PKHD1L1: variants seen among roughly 807,000 people sequenced by gnomAD.
PKHD1L1 encodes PKHD1 like 1, also known as fibrocystin-L.
PKHD1L1 carries 434 observed loss-of-function variants against 462.9 expected under a neutral mutation model. The ratio of observed to expected loss-of-function variants is 0.94; its 90% CI spans 0.87 to 1.02. The LOEUF (loss-of-function observed/expected upper bound fraction) is 1.02, where lower values mean the gene tolerates loss of function less well. PKHD1L1 is among the 50% of genes least tolerant of loss of function. PKHD1L1 has a pLI of 0.00. For synonymous variants in PKHD1L1, 1,781 were observed against 1,750.0 expected (o/e 1.02, Z -0.44); for missense variants, 5,202 against 5,096.1 (o/e 1.02, Z -0.63).
chr8:109,486,610 T>C, intron 58 of PKHD1L1, 38 bp from the exon 59 acceptor site: 1 of 1,588,252 alleles, frequency 6.3e-7, no homozygotes, highest in Non-Finnish European at 8.6e-7. Context: ...CAGATACTTC[T>C]CAGCATTGGC....
In PKHD1L1 at chr8:109,464,207, G is replaced by A. The variant is rs767842082; in HGVS notation, c.7384-9G>A. On this transcript the variant is annotated splice_polypyrimidine_tract_variant and intron_variant, in intron 48 of 77. Coordinates refer to ENST00000378402, the MANE Select transcript of PKHD1L1 (RefSeq NM_177531.6). Reference sequence around the variant, plus strand: ...ATTACTAAATAACTGTGATTTCTGGGCTTAACAGGTATTCCATGCTGGCCA... The same window carrying A: ...ATTACTAAATAACTGTGATTTCTGGACTTAACAGGTATTCCATGCTGGCCA... 1 of 1,566,896 alleles carries A rather than the reference G, an allele frequency of 6.4e-7. No homozygotes were observed. The highest frequency in any genetic ancestry group is 8.7e-7 in the Non-Finnish European group (1 of 1,151,452).
intron 23 of PKHD1L1, among the ~76,000 whole-genome samples, chr8:109,423,416 C>A (rs536730418): frequency 1.3e-5 from 2 of 152,052 alleles, no homozygotes; most frequent in East Asian, 1.9e-4. Flanking sequence ...TACATTGGAA[C>A]CTTTGTCAAA....
At position 109,537,134 on chromosome 8, in the gene PKHD1L1, A is replaced by C. The variant is rs1439716358; in HGVS notation, c.*7044A>C. ...CAAAGCTTTGTTTTACTTGATCAAGAAATGAATGTGACTTTATGATCTTGT... is the reference window on the plus strand; with the variant it reads ...CAAAGCTTTGTTTTACTTGATCAAGCAATGAATGTGACTTTATGATCTTGT... On this transcript the variant is annotated 3_prime_UTR_variant, in exon 78 of 78. Transcript: ENST00000378402. Among the ~76,000 whole-genome samples the C allele has an allele frequency of 1.3e-5, 2 of 152,250 alleles. No homozygotes were observed. The highest frequency in any genetic ancestry group is 2.9e-5 in the Non-Finnish European group (2 of 68,042).
intron 9 of PKHD1L1, among the ~76,000 whole-genome samples, chr8:109,390,697 C>T (rs1006779824): frequency 3.3e-5 from 5 of 152,018 alleles, no homozygotes; most frequent in Admixed American, 2.0e-4. Flanking sequence ...GGAAATCTAG[C>T]ATTAACTAAA....
At chr8:109,396,785 G>A (rs917650989) in intron 11 of PKHD1L1, among the ~76,000 whole-genome samples, 1 of 152,160 alleles carries the variant, frequency 6.6e-6, no homozygotes, top group Non-Finnish European at 1.5e-5. Flanking sequence ...ATGACATCAC[G>A]TCTATTGCTA....
At chr8:109,388,725 G>T (rs1449628703) in intron 7 of PKHD1L1, among the ~76,000 whole-genome samples, 175 bp downstream of exon 7, 1 of 152,074 alleles carries the variant, frequency 6.6e-6, no homozygotes, top group Non-Finnish European at 1.5e-5. Flanking sequence ...CTACCTTACA[G>T]TTAGGTCTCC....
rs1821054878 is a variant in PKHD1L1, at chr8:109,532,138, G to A, written c.*2048G>A. Among the ~76,000 whole-genome samples the A allele has an allele frequency of 6.6e-6, 1 of 152,158 alleles. No individual in the cohort carries two copies. Among genetic ancestry groups the A allele is most frequent in the South Asian group, 2.1e-4 (1 of 4,834 alleles). On this transcript the variant is annotated 3_prime_UTR_variant, in exon 78 of 78. Transcript: ENST00000378402. ...ACCTAAAGGTTTAATTCAGCCCACT[G>A]GAGTTTTTTGTCAAGATTTTTTCTG...
At chr8:109,497,377 T>C in intron 65 of PKHD1L1, 105 bp downstream of exon 65, 2 of 1,290,740 alleles carry the variant, frequency 1.5e-6, no homozygotes, top group African/African-American at 1.5e-5. Flanking sequence ...TATCTCTGTC[T>C]CGCCCACACC....
At position 109,522,890 on chromosome 8, in the gene PKHD1L1, C is replaced by T. The variant is rs776226885; in HGVS notation, c.12330C>T (p.Asp4110=). The T allele has an allele frequency of 1.0e-5, 16 of 1,595,482 alleles. No homozygotes were observed. Among genetic ancestry groups the T allele is most frequent in the African/African-American group, 5.4e-5 (4 of 74,258 alleles). ...QQPSVKATDS[D]GNCVSVGITA... ...CTTCGGTAAAGGCAACAGATTCTGACGTAAGTCATAACTCAAAATTTTACT... is the reference window on the plus strand; with the variant it reads ...CTTCGGTAAAGGCAACAGATTCTGATGTAAGTCATAACTCAAAATTTTACT... Residue 4110 remains aspartate, a splice_region_variant and synonymous_variant, in exon 75 of 78, where the codon GAC becomes GAT. Coordinates refer to ENST00000378402, the MANE Select transcript of PKHD1L1 (RefSeq NM_177531.6).
chr8:109,448,528 T>C (rs1253681383), intron 39 of PKHD1L1, 137 bp downstream of exon 39: 1 of 1,115,110 alleles, frequency 9.0e-7, no homozygotes, highest in Non-Finnish European at 1.2e-6. Context: ...TTTTTTTTTT[T>C]TGAGACAGAG....
Position 109,404,655 on chromosome 8 carries a change from A to T in PKHD1L1, c.1475A>T (p.Asp492Val). ...GTTTATACTGAACAACAAACAGGAG[A>T]TGCAGTGAATGAAGAACAAGTTATC... ...RNVYTEQQTG[D>V]AVNEEQVIKS... Residue 492 changes from aspartate to valine, a missense_variant, in exon 15 of 78, where the codon GAT becomes GTT. Physicochemically the swap from Asp to Val is radical, Grantham distance 152. This residue lies in a region of PKHD1L1 where 4,497 missense variants were observed against 4,336.8 expected (regional missense o/e 1.04). Coordinates refer to ENST00000378402, the MANE Select transcript of PKHD1L1 (RefSeq NM_177531.6). 1 of 1,608,782 alleles carries T rather than the reference A, an allele frequency of 6.2e-7. No individual in the cohort carries two copies. The highest frequency in any genetic ancestry group is 8.5e-7 in the Non-Finnish European group (1 of 1,177,250).
intron 25 of PKHD1L1, 64 bp from the exon 26 acceptor site, chr8:109,429,276 T>G (rs1814948198): frequency 7.5e-7 from 1 of 1,332,554 alleles, no homozygotes; most frequent in African/African-American, 1.5e-5. Context: ...AAATTTAAAA[T>G]GAAAAACTAG....
chr8:109,420,568 G>A lies in PKHD1L1; in HGVS notation c.2575G>A (p.Glu859Lys), dbSNP rs763643479. 4 of 1,608,838 alleles carry A rather than the reference G, an allele frequency of 2.5e-6. No homozygotes were observed. The East Asian group carries it at 9.0e-5, about 36-fold the overall frequency. ...PALANKGIFL[E>K]HFQVNQTKTN... The stretch of plus-strand genomic sequence containing the variant: ...ATTAGCAAATAAAGGAATATTCTTA[G>A]AGCACTTTCAGGTGAATCAGACCAA... The change falls in exon 23 of 78, where the codon GAG (glutamate) becomes AAG (lysine). Residue 859 changes from glutamate (E) to lysine (K), a missense_variant. Transcript: ENST00000378402.
In PKHD1L1 at chr8:109,436,408, C is replaced by T. The variant is rs370640253; in HGVS notation, c.3576C>T (p.Thr1192=). 5.6e-6 allele frequency: 9 copies of T among 1,613,176 alleles called. No individual in the cohort carries two copies. The highest frequency in any genetic ancestry group is 1.3e-5 in the African/African-American group (1 of 74,838). The change falls in exon 30 of 78, where the codon ACC becomes ACT. Residue 1192 remains threonine, a synonymous_variant. Transcript: ENST00000378402. Reference sequence around the variant, plus strand: ...CAAAGGTATTAGTTGGAAATGAAACCTGCAATGTGATTGAAGGGGATTTGA... The same window carrying T: ...CAAAGGTATTAGTTGGAAATGAAACTTGCAATGTGATTGAAGGGGATTTGA... ...ENSKVLVGNE[T]CNVIEGDLNR...
chr8:109,508,255 C>T lies in PKHD1L1; in HGVS notation c.11386C>T (p.Leu3796Phe), dbSNP rs765732380. 2.5e-6 allele frequency: 4 copies of T among 1,604,902 alleles called. No homozygotes were observed. The South Asian group carries it at 3.4e-5, about 14-fold the overall frequency. Residue 3796 changes from leucine (L) to phenylalanine (F), a missense_variant, in exon 70 of 78, where the codon CTT becomes TTT. Leu to Phe is a conservative substitution (Grantham distance 22). Coordinates refer to ENST00000378402, the MANE Select transcript of PKHD1L1 (RefSeq NM_177531.6). ...VAIMGNGYVDLINGPQDHGWC... is the reference protein window; with the variant it reads ...VAIMGNGYVDFINGPQDHGWC... ...TATAATGGGCAACGGTTATGTTGAT[C>T]TTATTAATGGTAGGTATTCAATATG... is the stretch of plus-strand genomic sequence containing the variant.
chr8:109,396,122 A>G lies in PKHD1L1; in HGVS notation c.907A>G (p.Arg303Gly). 1 of 1,607,362 alleles carries G rather than the reference A, an allele frequency of 6.2e-7. No individual in the cohort carries two copies. The highest frequency in any genetic ancestry group is 8.5e-7 in the Non-Finnish European group (1 of 1,176,854). The stretch of plus-strand genomic sequence containing the variant: ...CTTTGATCAGACAGATTTCCCCGTC[A>G]GAGTTCTAGTTGGAGGTATTTCTCA... ...RFFDQTDFPV[R>G]VLVGGEPCDI... Residue 303 changes from arginine to glycine, a missense_variant, in exon 11 of 78, where the codon AGA becomes GGA. Coordinates refer to ENST00000378402, the MANE Select transcript of PKHD1L1 (RefSeq NM_177531.6).
intron 29 of PKHD1L1, among the ~76,000 whole-genome samples, 198 bp downstream of exon 29, chr8:109,435,552 G>A (rs1815361615): frequency 6.6e-6 from 1 of 152,144 alleles, no homozygotes; most frequent in Non-Finnish European, 1.5e-5. Context: ...TCAGGGTGCT[G>A]CTTATACTTA....
At chr8:109,449,288 A>C in intron 39 of PKHD1L1, 50 bp from the exon 40 acceptor site, 1 of 1,492,630 alleles carries the variant, frequency 6.7e-7, no homozygotes, top group Non-Finnish European at 9.0e-7. Context: ...TACACAGAAG[A>C]AGTTTTATTT....
At chr8:109,520,804 C>T (rs899929512) in intron 73 of PKHD1L1, among the ~76,000 whole-genome samples, 1 of 152,186 alleles carries the variant, frequency 6.6e-6, no homozygotes, top group East Asian at 1.9e-4. Context: ...GAATAAGAGG[C>T]CTTCAAGTTA....
Sources: allele counts gnomAD v4.1 joint callset (sites outside exome capture counted in the v4.1 genomes callset), GRCh38; gene constraint gnomAD v4.1.1; regional missense constraint gnomAD v4.1.1; transcripts MANE v1.5; gene names NCBI Gene and HGNC (gene_info 2026-07-23, HGNC 2026-07-21).